GRIK2: variants seen among roughly 807,000 people sequenced by gnomAD.
GRIK2 encodes glutamate ionotropic receptor kainate type subunit 2.
GRIK2 carries 32 observed loss-of-function variants against 100.3 expected under a neutral mutation model. The observed-to-expected ratio is 0.32, with a 90% CI of 0.24 to 0.43. The LOEUF (loss-of-function observed/expected upper bound fraction) is 0.43, where lower values mean the gene tolerates loss of function less well. GRIK2 is among the 20% of genes least tolerant of loss of function. The pLI is 1.00. For synonymous variants in GRIK2, 417 were observed against 389.4 expected (o/e 1.07, Z -0.83); for missense variants, 843 against 1,114.9 (o/e 0.76, Z 3.47).
At chr6:101,659,000 C>T (rs1403618721) in intron 4 of GRIK2, among the ~76,000 whole-genome samples, 2 of 152,162 alleles carry the variant, frequency 1.3e-5, no homozygotes, top group African/African-American at 4.8e-5. Flanking sequence ...ATTATAGTTT[C>T]TGTTTCTGGG....
At chr6:102,064,053 G>GT (rs755454909) in intron 16 of GRIK2, 2 of 1,209,668 alleles carry the variant, frequency 1.7e-6, no homozygotes, top group Non-Finnish European at 2.4e-6. Context: ...ATAATGGTTA[G>GT]TATCCTTGTG....
At chr6:101,636,748 C>G (rs1380697290) in intron 4 of GRIK2, among the ~76,000 whole-genome samples, 1 of 151,102 alleles carries the variant, frequency 6.6e-6, no homozygotes. Context: ...ATAATATTTG[C>G]ATTTTGGGGG....
intron 14 of GRIK2, among the ~76,000 whole-genome samples, chr6:102,000,532 C>G (rs1794883989): frequency 1.3e-5 from 2 of 151,914 alleles, no homozygotes; most frequent in South Asian, 4.1e-4. Flanking sequence ...ATTTGGTTTT[C>G]TGTTTTTAAT....
chr6:101,679,649 C>CT (rs1327837499), intron 5 of GRIK2, among the ~76,000 whole-genome samples: 9 of 152,114 alleles, frequency 5.9e-5, no homozygotes, highest in Non-Finnish European at 1.2e-4. Flanking sequence ...ATTAACTAAT[C>CT]TTTTAAGAGA....
At chr6:101,634,494 A>G (rs1486649370) in intron 4 of GRIK2, among the ~76,000 whole-genome samples, 2 of 152,070 alleles carry the variant, frequency 1.3e-5, no homozygotes, top group African/African-American at 2.4e-5. Context: ...AAAAATAGGA[A>G]CTTGGTCTGG....
intron 10 of GRIK2, among the ~76,000 whole-genome samples, chr6:101,820,320 G>T (rs1267715539): frequency 6.6e-6 from 1 of 151,444 alleles, no homozygotes; most frequent in Non-Finnish European, 1.5e-5. Context: ...ATAATTCTGG[G>T]TAGAAAACAT....
chr6:101,502,797 C>A (rs1161519906), intron 2 of GRIK2, among the ~76,000 whole-genome samples: 1 of 152,116 alleles, frequency 6.6e-6, no homozygotes, highest in Non-Finnish European at 1.5e-5. Context: ...AACTTACTTT[C>A]TACTATTATT....
At chr6:101,416,150 C>T (rs917183757) in intron 2 of GRIK2, among the ~76,000 whole-genome samples, 1 of 152,152 alleles carries the variant, frequency 6.6e-6, no homozygotes, top group Non-Finnish European at 1.5e-5. Flanking sequence ...TGTTTTAGGC[C>T]AGTGAGGTGG....
At chr6:101,893,609 A>G (rs1787246859) in intron 12 of GRIK2, among the ~76,000 whole-genome samples, 1 of 151,672 alleles carries the variant, frequency 6.6e-6, no homozygotes, top group South Asian at 2.1e-4. Flanking sequence ...CACACCTTTG[A>G]TTGGTTTTGT....
At chr6:101,780,163 T>C (rs191663960) in intron 7 of GRIK2, among the ~76,000 whole-genome samples, 1 of 150,064 alleles carries the variant, frequency 6.7e-6, no homozygotes, top group Non-Finnish European at 1.5e-5. Context: ...GGGACTACAA[T>C]AACTTTTATT....
Position 101,686,272 on chromosome 6 carries a change from C to G in GRIK2, c.870C>G (p.Ser290=). The part of the protein sequence containing the change: ...RILNTENTQV[S]SIIEKWSMER... ...TAAATACAGAAAATACCCAAGTCTC[C>G]TCCATCATTGAAAAGTGGTCGATGG... The change falls in exon 7 of 17, where the codon TCC becomes TCG. Residue 290 remains serine, a synonymous_variant. Transcript: ENST00000369134. 3 of 1,612,802 alleles carry G rather than the reference C, an allele frequency of 1.9e-6. No individual in the cohort carries two copies. Among genetic ancestry groups the G allele is most frequent in the Non-Finnish European group, 2.5e-6 (3 of 1,178,888 alleles).
intron 7 of GRIK2, among the ~76,000 whole-genome samples, chr6:101,789,337 A>T (rs939071347): frequency 2.0e-5 from 3 of 152,140 alleles, no homozygotes; most frequent in African/African-American, 7.2e-5. Flanking sequence ...TTATGGTTTC[A>T]GGTCTAACAT....
chr6:101,843,490 C>G (rs1170170335), intron 10 of GRIK2, among the ~76,000 whole-genome samples: 1 of 152,054 alleles, frequency 6.6e-6, no homozygotes, highest in Non-Finnish European at 1.5e-5. Flanking sequence ...CATATTTGAC[C>G]AGCTAAATAA....
intron 7 of GRIK2, among the ~76,000 whole-genome samples, chr6:101,751,066 A>G (rs763541793): frequency 1.3e-5 from 2 of 151,894 alleles, no homozygotes; most frequent in African/African-American, 4.8e-5. Context: ...GGTCACCTCT[A>G]TTTTCTAAAT....
intron 12 of GRIK2, among the ~76,000 whole-genome samples, chr6:101,900,434 G>T (rs1787768508): frequency 6.6e-6 from 1 of 152,058 alleles, no homozygotes; most frequent in African/African-American, 2.4e-5. Context: ...CCGAGATCGC[G>T]CCATTGCACT....
chr6:102,015,438 T>G (rs1795783037), intron 14 of GRIK2, among the ~76,000 whole-genome samples: 1 of 152,132 alleles, frequency 6.6e-6, no homozygotes, highest in African/African-American at 2.4e-5. Flanking sequence ...CCATTTACAT[T>G]CAAGGTTAGT....
At chr6:101,647,070 T>C (rs1695843963) in intron 4 of GRIK2, among the ~76,000 whole-genome samples, 1 of 151,910 alleles carries the variant, frequency 6.6e-6, no homozygotes, top group African/African-American at 2.4e-5. Flanking sequence ...AAATGTAAAA[T>C]CTGAGTCTTA....
chr6:101,697,633 T>A (rs1772590755), intron 7 of GRIK2, among the ~76,000 whole-genome samples: 1 of 151,972 alleles, frequency 6.6e-6, no homozygotes, highest in South Asian at 2.1e-4. Flanking sequence ...GGATGGATTT[T>A]TGGTTAGGTT....
intron 2 of GRIK2, among the ~76,000 whole-genome samples, chr6:101,520,979 TA>T (rs1005698227): frequency 1.3e-5 from 2 of 152,162 alleles, no homozygotes; most frequent in Non-Finnish European, 2.9e-5. Context: ...ATATCCAGGT[TA>T]AAAAAACATT....
Sources: allele counts gnomAD v4.1 joint callset (sites outside exome capture counted in the v4.1 genomes callset), GRCh38; gene constraint gnomAD v4.1.1; transcripts MANE v1.5; gene names NCBI Gene and HGNC (gene_info 2026-07-23, HGNC 2026-07-21).